The following PTPRD variants were observed in gnomAD, a reference collection of about 807,000 sequenced individuals.
The protein encoded by PTPRD is protein tyrosine phosphatase receptor type D, also known as receptor-type tyrosine-protein phosphatase delta.
A neutral mutation model predicts 214.5 loss-of-function variants in PTPRD; 34 were observed. The ratio of observed to expected loss-of-function variants is 0.16; its 90% CI spans 0.12 to 0.21. The LOEUF (loss-of-function observed/expected upper bound fraction) is 0.21, where lower values mean the gene tolerates loss of function less well. PTPRD is among the 10% of genes least tolerant of loss of function. The pLI, the probability that PTPRD is intolerant of heterozygous loss-of-function variation, is 1.00. For synonymous variants in PTPRD, 1,128 were observed against 845.7 expected, an observed-to-expected ratio of 1.33 and a Z score of -5.79; for missense variants, 2,545 against 2,398.7, an observed-to-expected ratio of 1.06 and a Z score of -1.27.
At position 9,925,627 on chromosome 9, in the gene PTPRD, T is replaced by A. The variant is rs564852346; in HGVS notation, c.-368+12880A>T. On this transcript the variant is annotated intron_variant, in intron 5 of 45. Transcript: ENST00000381196. ...TCAGCATTCAGATGACAAAATTTTT[T>A]AAAAAAAACTCTTCTACCTTACCTA... Among the ~76,000 whole-genome samples, 258 of 151,888 alleles carry A rather than the reference T, an allele frequency of 1.7e-3. 1 individual carries two copies. Among genetic ancestry groups the A allele is most frequent in the South Asian group, 6.9e-3 (33 of 4,814 alleles).
intron 11 of PTPRD, among the ~76,000 whole-genome samples, chr9:8,807,554 G>C (rs1169018484): frequency 1.3e-5 from 2 of 150,774 alleles, no homozygotes; most frequent in African/African-American, 4.9e-5. Flanking sequence ...CTAGTTTTCT[G>C]TGTGGGTAAT....
chr9:9,507,058 T>C (rs183776513), intron 8 of PTPRD, among the ~76,000 whole-genome samples: 6 of 151,466 alleles, frequency 4.0e-5, no homozygotes, highest in African/African-American at 1.4e-4. Context: ...GAAACAACAG[T>C]AAATGGATGA....
intron 4 of PTPRD, among the ~76,000 whole-genome samples, chr9:10,029,766 T>C (rs962363670): frequency 6.6e-6 from 1 of 152,198 alleles, no homozygotes; most frequent in Non-Finnish European, 1.5e-5. Context: ...TTTGAGTTAA[T>C]GCTGAAATGA....
chr9:8,387,311 A>T (rs1003902457), intron 37 of PTPRD, among the ~76,000 whole-genome samples: 1 of 152,330 alleles, frequency 6.6e-6, no homozygotes, highest in African/African-American at 2.4e-5. Context: ...CCTTCCGCCA[A>T]GAACTGCTCA....
intron 4 of PTPRD, among the ~76,000 whole-genome samples, chr9:9,983,164 A>C (rs2095602459): frequency 6.6e-6 from 1 of 152,182 alleles, no homozygotes; most frequent in Admixed American, 6.5e-5. Context: ...TTGATTCAGA[A>C]TGGATTACAC....
chr9:8,907,623 T>C (rs1260894795), intron 11 of PTPRD, among the ~76,000 whole-genome samples: 1 of 148,498 alleles, frequency 6.7e-6, no homozygotes, highest in Non-Finnish European at 1.5e-5. Context: ...TAAAAACAAC[T>C]AGATGGAAAT....
At chr9:10,262,750 G>A (rs2093780379) in intron 3 of PTPRD, among the ~76,000 whole-genome samples, 2 of 152,258 alleles carry the variant, frequency 1.3e-5, no homozygotes, top group African/African-American at 4.8e-5. Flanking sequence ...TTTTCACAGT[G>A]AGAGTCCACA....
intron 2 of PTPRD, among the ~76,000 whole-genome samples, chr9:10,595,256 C>G (rs554443197): frequency 6.6e-6 from 1 of 150,910 alleles, no homozygotes; most frequent in Non-Finnish European, 1.5e-5. Flanking sequence ...GTGTTAATTG[C>G]TAATTAAAGA....
At chr9:9,868,368 A>G (rs1267248292) in intron 5 of PTPRD, among the ~76,000 whole-genome samples, 1 of 152,104 alleles carries the variant, frequency 6.6e-6, no homozygotes, top group African/African-American at 2.4e-5. Context: ...TGGAATAAGA[A>G]TTTTTTAACT....
chr9:8,810,252 C>T (rs184170338), intron 11 of PTPRD, among the ~76,000 whole-genome samples: 4 of 152,218 alleles, frequency 2.6e-5, no homozygotes, highest in Non-Finnish European at 5.9e-5. Context: ...GACTATTGCA[C>T]ACAAAAAAAA....
intron 5 of PTPRD, among the ~76,000 whole-genome samples, chr9:9,912,471 G>A (rs2079472252): frequency 6.6e-6 from 1 of 152,042 alleles, no homozygotes; most frequent in South Asian, 2.1e-4. Context: ...TGTTCTTTTT[G>A]CCATATGAAT....
At chr9:9,358,547 A>T (rs1463890194) in intron 9 of PTPRD, among the ~76,000 whole-genome samples, 1 of 151,302 alleles carries the variant, frequency 6.6e-6, no homozygotes, top group Non-Finnish European at 1.5e-5. Context: ...TTGCCTTTAC[A>T]GAGAATCAAT....
At chr9:9,744,115 A>G (rs893734339) in intron 6 of PTPRD, among the ~76,000 whole-genome samples, 1 of 152,120 alleles carries the variant, frequency 6.6e-6, no homozygotes, top group South Asian at 2.1e-4. Context: ...TATTACCACC[A>G]TTTTCGATAG....
At chr9:10,208,520 T>A (rs541680118) in intron 3 of PTPRD, among the ~76,000 whole-genome samples, 14 of 152,118 alleles carry the variant, frequency 9.2e-5, no homozygotes, top group South Asian at 4.2e-4. Context: ...TCTCAAAAAA[T>A]AAAAAGACTA....
intron 7 of PTPRD, among the ~76,000 whole-genome samples, chr9:9,619,801 A>G (rs1264665852): frequency 6.8e-6 from 1 of 146,948 alleles, no homozygotes; most frequent in East Asian, 2.0e-4. Flanking sequence ...CTATATAGAA[A>G]TACATTTATA....
chr9:10,043,783 G>C (rs2097339622), intron 3 of PTPRD, among the ~76,000 whole-genome samples: 2 of 151,712 alleles, frequency 1.3e-5, no homozygotes, highest in Non-Finnish European at 2.9e-5. Context: ...ATTTCATGTA[G>C]GATCTACCTG....
intron 6 of PTPRD, among the ~76,000 whole-genome samples, chr9:9,759,047 G>T (rs936303703): frequency 6.6e-6 from 1 of 152,018 alleles, no homozygotes; most frequent in African/African-American, 2.4e-5. Flanking sequence ...ATACCCTCAA[G>T]ATTTCAGACT....
chr9:8,942,315 A>C (rs1448113393), intron 11 of PTPRD, among the ~76,000 whole-genome samples: 1 of 152,206 alleles, frequency 6.6e-6, no homozygotes, highest in Non-Finnish European at 1.5e-5. Context: ...CTGTTCTAAA[A>C]TAAAAAACAT....
intron 3 of PTPRD, among the ~76,000 whole-genome samples, chr9:10,212,611 G>T (rs7858217): frequency 0.14 from 20,718 of 152,122 alleles, 1,477 homozygotes; most frequent in African/African-American, 0.16. Context: ...TTATCATTCA[G>T]TATCTGTGTA....
Sources: allele counts gnomAD v4.1 joint callset (sites outside exome capture counted in the v4.1 genomes callset), GRCh38; gene constraint gnomAD v4.1.1; transcripts MANE v1.5; gene names NCBI Gene and HGNC (gene_info 2026-07-23, HGNC 2026-07-21).